The following ABCA12 variants were observed in gnomAD, a reference collection of about 807,000 sequenced individuals.
The protein encoded by ABCA12 is glucosylceramide transporter ABCA12.
In ABCA12, 156 loss-of-function variants were observed where a neutral mutation model predicts 293.5. That is an observed-to-expected ratio of 0.53 (90% CI 0.47 to 0.61). ABCA12 has a LOEUF of 0.61. Among genes scored for constraint, ABCA12 ranks in the 20% least tolerant of loss-of-function variants. ABCA12 has a pLI of 0.00. For missense variants in ABCA12, 2,797 were observed against 3,090.2 expected (o/e 0.91, Z 2.25); for synonymous variants, 1,063 against 1,108.0 (o/e 0.96, Z 0.81).
In ABCA12 at chr2:215,011,546, A is replaced by G. The variant is rs757295232; in HGVS notation, c.2225T>C (p.Met742Thr). 2 of 1,613,986 alleles carry G rather than the reference A, an allele frequency of 1.2e-6. No homozygotes were observed. Among genetic ancestry groups the G allele is most frequent in the African/African-American group, 1.3e-5 (1 of 74,938 alleles). The change falls in exon 17 of 53, where the codon ATG becomes ACG. Residue 742 changes from methionine (M) to threonine (T), a missense_variant. Around this residue, in one of 3 missense-constraint regions of ABCA12, gnomAD observed 2,130 missense variants for 2,427.0 expected, o/e 0.88. Coordinates refer to ENST00000272895, the MANE Select transcript of ABCA12 (RefSeq NM_173076.3). ...QGITTEYLTA[M>T]LPSSQRPKGN... ...TTTTGGCCTCTGGGAAGAGGGCAGCATGGCAGTTAAATATTCAGTGGTAAT... is the reference window on the plus strand; with the variant it reads ...TTTTGGCCTCTGGGAAGAGGGCAGCGTGGCAGTTAAATATTCAGTGGTAAT...
At chr2:214,990,308 C>T (rs1699884133) in intron 24 of ABCA12, among the ~76,000 whole-genome samples, 1 of 152,096 alleles carries the variant, frequency 6.6e-6, no homozygotes, top group South Asian at 2.1e-4. Context: ...GTCTTTACAC[C>T]TTTAAGCTAT....
Position 215,134,333 on chromosome 2 carries a change from CAT to C in ABCA12, c.69+3805_69+3806del, listed in dbSNP as rs1491557185. Among the ~76,000 whole-genome samples the C allele has an allele frequency of 8.2e-5, 10 of 121,452 alleles. No homozygotes were observed. In the South Asian group the frequency reaches 1.7e-3, roughly 20 times the overall value. 79.7% of individuals were successfully genotyped at this position (121,452 alleles called of 152,430 possible). On this transcript the variant is annotated intron_variant, in intron 1 of 52. Transcript: ENST00000272895. ...ATATGTGTATATATGTATATATGTA[CAT>C]ATATATGTATATGTGTATATATGTA...
intron 33 of ABCA12, among the ~76,000 whole-genome samples, chr2:214,976,743 A>ACTT (rs987978643): frequency 1.3e-5 from 2 of 152,172 alleles, no homozygotes; most frequent in African/African-American, 4.8e-5. Flanking sequence ...CCATCCCCAT[A>ACTT]CTTTGAAATG....
In ABCA12 at chr2:214,963,727, G is replaced by A. The variant is rs183731015; in HGVS notation, c.5884+3121C>T. On this transcript the variant is annotated intron_variant, in intron 39 of 52. Coordinates refer to ENST00000272895, the MANE Select transcript of ABCA12 (RefSeq NM_173076.3). ...TCAGGAGTTCAAGACCAGCCTGCCC[G>A]GTAGAGACATGGTGAAACCCTGTCT... Among the ~76,000 whole-genome samples, 398 of 150,882 alleles carry A rather than the reference G, an allele frequency of 2.6e-3. 4 individuals carry two copies. Among genetic ancestry groups the A allele is most frequent in the African/African-American group, 7.8e-3 (321 of 41,194 alleles).
At chr2:215,076,882 G>A (rs984590170) in intron 2 of ABCA12, among the ~76,000 whole-genome samples, 3 of 152,196 alleles carry the variant, frequency 2.0e-5, no homozygotes, top group African/African-American at 4.8e-5. Context: ...ACAAAAGGAT[G>A]TGTGAGTGGG....
chr2:214,983,228 A>G (rs182002700), intron 29 of ABCA12, among the ~76,000 whole-genome samples: 22 of 152,304 alleles, frequency 1.4e-4, no homozygotes, highest in Admixed American at 7.2e-4. Flanking sequence ...TGAGTATTAT[A>G]CTGAGCATGG....
intron 2 of ABCA12, chr2:215,082,884 T>A (rs1199162155): frequency 3.3e-5 from 5 of 152,226 alleles, no homozygotes; most frequent in Non-Finnish European, 7.3e-5. Flanking sequence ...ACGAATAATA[T>A]CCTTTTGAGC....
Position 214,956,758 on chromosome 2 carries a change from T to C in ABCA12, c.6138A>G (p.Val2046=). 6.2e-7 allele frequency: 1 copy of C among 1,612,894 alleles called. No homozygotes were observed. The highest frequency in any genetic ancestry group is 8.5e-7 in the Non-Finnish European group (1 of 1,179,226). ...TCGCAATGATACCAATTGAAAACGC[T>C]ACAGGCACCAAGTAGAAAACCTATG... ...IYDMVFYLVP[V]AFSIGIIAIF... is the part of the protein sequence containing the mutation. Residue 2046 remains valine, a synonymous_variant, in exon 42 of 53, where the codon GTA becomes GTG. Coordinates refer to ENST00000272895, the MANE Select transcript of ABCA12 (RefSeq NM_173076.3).
In ABCA12 at chr2:215,015,565, T is replaced by A; in HGVS notation, c.1881A>T (p.Ser627=). The change falls in exon 15 of 53, where the codon TCA becomes TCT. Residue 627 remains serine (S), a synonymous_variant. Transcript: ENST00000272895. ...TGAGGTAAGACTGCCGGGATCTCTC[T>A]GAAAGAGACAGGTTGCAGAATTCTT... ...AMKEFCNLSL[S]ERSRQSYLIG... 1.9e-6 allele frequency: 3 copies of A among 1,614,152 alleles called. No homozygotes were observed. The highest frequency in any genetic ancestry group is 1.7e-6 in the Non-Finnish European group (2 of 1,179,992).
intron 24 of ABCA12, 135 bp downstream of exon 24, chr2:214,990,567 G>T: frequency 1.2e-6 from 1 of 843,142 alleles, no homozygotes; most frequent in Non-Finnish European, 1.9e-6. Flanking sequence ...CTATCATTAG[G>T]ACATTAAGCT....
At chr2:214,975,473 A>C (rs989450834) in intron 34 of ABCA12, among the ~76,000 whole-genome samples, 1 of 152,288 alleles carries the variant, frequency 6.6e-6, no homozygotes, top group Non-Finnish European at 1.5e-5. Flanking sequence ...GACCAATAAA[A>C]AGTTATTTGC....
intron 2 of ABCA12, among the ~76,000 whole-genome samples, chr2:215,071,230 T>C (rs1413566725): frequency 6.8e-6 from 1 of 146,604 alleles, no homozygotes; most frequent in Non-Finnish European, 1.5e-5. Context: ...TAAAATAAAA[T>C]AAAATAAAAT....
chr2:215,011,179 G>A (rs1041029527), intron 17 of ABCA12, among the ~76,000 whole-genome samples: 4 of 152,108 alleles, frequency 2.6e-5, no homozygotes, highest in African/African-American at 9.7e-5. Context: ...AGAGTACCTG[G>A]GTTCAAATGA....
At chr2:215,038,860 C>T (rs572352485) in intron 7 of ABCA12, 5 of 152,252 alleles carry the variant, frequency 3.3e-5, no homozygotes, top group African/African-American at 1.2e-4. Flanking sequence ...CAAAATGTAA[C>T]TGAATAAATA....
At chr2:215,090,806 T>C (rs903995355) in intron 2 of ABCA12, among the ~76,000 whole-genome samples, 3 of 152,220 alleles carry the variant, frequency 2.0e-5, no homozygotes, top group Non-Finnish European at 4.4e-5. Context: ...TTTACCTTTT[T>C]ACTACGGGCA....
chr2:214,946,288 G>T (rs1174215430), intron 48 of ABCA12, among the ~76,000 whole-genome samples: 2 of 152,072 alleles, frequency 1.3e-5, no homozygotes, highest in Non-Finnish European at 2.9e-5. Flanking sequence ...AGGATACATT[G>T]TCACTGCTCC....
chr2:215,124,353 T>C (rs548478260), intron 1 of ABCA12, among the ~76,000 whole-genome samples: 1 of 152,362 alleles, frequency 6.6e-6, no homozygotes, highest in African/African-American at 2.4e-5. Flanking sequence ...GATCAAATTG[T>C]AGTTCTAGTT....
chr2:214,944,358 G>A (rs1008733812), intron 49 of ABCA12, among the ~76,000 whole-genome samples: 1 of 151,994 alleles, frequency 6.6e-6, no homozygotes. Context: ...GTTGCAGTGA[G>A]CAGATGTTGT....
At chr2:215,022,839 T>G (rs569567767) in intron 11 of ABCA12, 3 of 152,262 alleles carry the variant, frequency 2.0e-5, no homozygotes, top group South Asian at 2.1e-4. Context: ...ATTTAAAATT[T>G]TACAGGTTTT....
Sources: allele counts gnomAD v4.1 joint callset (sites outside exome capture counted in the v4.1 genomes callset), GRCh38; gene constraint gnomAD v4.1.1; regional missense constraint gnomAD v4.1.1; transcripts MANE v1.5; gene names NCBI Gene and HGNC (gene_info 2026-07-23, HGNC 2026-07-21).